The following COL22A1 variants were observed in gnomAD, a reference collection of about 807,000 sequenced individuals.
COL22A1 encodes collagen type XXII alpha 1 chain, also known as collagen alpha-1(XXII) chain.
COL22A1 carries 221 observed loss-of-function variants against 248.9 expected under a neutral mutation model. The ratio of observed to expected loss-of-function variants is 0.89; its 90% confidence interval spans 0.80 to 0.99. COL22A1 has a LOEUF of 0.99. Among genes scored for constraint, COL22A1 ranks in the 50% least tolerant of loss-of-function variants. The pLI is 0.00. For missense variants in COL22A1, 2,240 were observed against 2,179.0 expected (o/e 1.03, Z -0.56); for synonymous variants, 891 against 793.4 (o/e 1.12, Z -2.07).
intron 3 of COL22A1, among the ~76,000 whole-genome samples, chr8:138,853,656 G>A (rs2131914761): frequency 6.6e-6 from 1 of 152,226 alleles, no homozygotes; most frequent in African/African-American, 2.4e-5. Context: ...CAACAGTGTT[G>A]AAAAATACCT....
intron 47 of COL22A1, among the ~76,000 whole-genome samples, chr8:138,646,099 C>T (rs536086293): frequency 2.0e-5 from 3 of 152,248 alleles, no homozygotes; most frequent in African/African-American, 4.8e-5. Flanking sequence ...TCAGATTATA[C>T]CCCCCTTTCT....
intron 21 of COL22A1, among the ~76,000 whole-genome samples, chr8:138,752,551 A>C (rs914360933): frequency 2.0e-5 from 3 of 152,194 alleles, no homozygotes; most frequent in Admixed American, 6.5e-5. Flanking sequence ...CAGAAAGAGA[A>C]GGCCCTAAAG....
chr8:138,705,156 T>C (rs1038176352), intron 30 of COL22A1, among the ~76,000 whole-genome samples: 5 of 152,174 alleles, frequency 3.3e-5, no homozygotes, highest in East Asian at 1.9e-4. Context: ...CTACACCTGA[T>C]TGGTGTACCT....
rs529333086 is a variant in COL22A1, at chr8:138,596,909, A to T, written c.4427T>A (p.Leu1476His). 291 of 1,613,862 alleles carry T rather than the reference A, an allele frequency of 1.8e-4. 3 individuals are homozygous for T. In the South Asian group the frequency reaches 3.2e-3, roughly 18 times the overall value. Reference protein sequence around the residue: ...RLIQEELGKQLETRLAYLLAQ... With the variant: ...RLIQEELGKQHETRLAYLLAQ... The stretch of plus-strand genomic sequence containing the variant: ...AACACAGTCCAGATACTCACTTTCA[A>T]GCTGCTTCCCCAGCTCTTCTTGAAT... The change falls in exon 62 of 65, where the codon CTT becomes CAT. Residue 1476 changes from leucine (L) to histidine (H), a missense_variant. Transcript: ENST00000303045.
intron 5 of COL22A1, among the ~76,000 whole-genome samples, chr8:138,831,786 G>A (rs571825487): frequency 6.9e-5 from 7 of 101,274 alleles, no homozygotes; most frequent in Non-Finnish European, 1.3e-4. Flanking sequence ...AAGAACACTG[G>A]AGGAATTAAA....
At chr8:138,881,515 C>T (rs918899431) in intron 2 of COL22A1, among the ~76,000 whole-genome samples, 11 of 151,778 alleles carry the variant, frequency 7.2e-5, no homozygotes, top group African/African-American at 2.4e-4. Flanking sequence ...GAAACCCCGT[C>T]TCTACTAAAA....
intron 11 of COL22A1, among the ~76,000 whole-genome samples, chr8:138,797,177 C>G (rs191050181): frequency 3.3e-5 from 5 of 152,252 alleles, no homozygotes; most frequent in Admixed American, 6.5e-5. Flanking sequence ...TAAAGTTGTG[C>G]AACAAAATCC....
At chr8:138,708,809 C>A (rs937258867) in intron 30 of COL22A1, among the ~76,000 whole-genome samples, 18 of 152,162 alleles carry the variant, frequency 1.2e-4, no homozygotes, top group African/African-American at 4.3e-4. Context: ...AACTAAAGAG[C>A]TTCTGCACAG....
At chr8:138,808,090 C>T (rs888260494) in intron 9 of COL22A1, among the ~76,000 whole-genome samples, 1 of 152,308 alleles carries the variant, frequency 6.6e-6, no homozygotes, top group Middle Eastern at 3.4e-3. Context: ...ACAAATACCA[C>T]ATTTCTGCTT....
At chr8:138,726,488 C>G (rs1045250672) in intron 23 of COL22A1, among the ~76,000 whole-genome samples, 1 of 91,238 alleles carries the variant, frequency 1.1e-5, no homozygotes, top group African/African-American at 4.8e-5. Context: ...AGAGCAATAT[C>G]CTGTATCTAC....
At chr8:138,661,740 GTAAGACA>G (rs111235384) in intron 43 of COL22A1, among the ~76,000 whole-genome samples, 16,078 of 152,102 alleles carry the variant, frequency 0.11, 1,195 homozygotes, top group African/African-American at 0.21. Context: ...ACTAGGGTAT[GTAAGACA>G]TTGACCAAGA....
chr8:138,615,632 G>A (rs60893014), intron 55 of COL22A1, among the ~76,000 whole-genome samples: 108 of 152,110 alleles, frequency 7.1e-4, no homozygotes, highest in African/African-American at 2.5e-3. Flanking sequence ...CACAGCACAC[G>A]GTGGTGGCGG....
intron 3 of COL22A1, among the ~76,000 whole-genome samples, chr8:138,869,458 G>A (rs11994766): frequency 0.19 from 29,159 of 152,050 alleles, 3,763 homozygotes; most frequent in African/African-American, 0.36. Context: ...GCACAAGCTC[G>A]TTGCTTCTAA....
intron 23 of COL22A1, among the ~76,000 whole-genome samples, chr8:138,732,805 A>G (rs1293654973): frequency 2.0e-5 from 3 of 152,246 alleles, no homozygotes; most frequent in Admixed American, 2.0e-4. Context: ...TATGATTAGT[A>G]GTTACAATGA....
At chr8:138,688,253 G>A (rs532644576) in intron 37 of COL22A1, among the ~76,000 whole-genome samples, 1 of 151,724 alleles carries the variant, frequency 6.6e-6, no homozygotes, top group Admixed American at 6.6e-5. Flanking sequence ...GGGTTCAGTG[G>A]CTCACACCTG....
At chr8:138,593,446 C>CCT (rs1006886661) in intron 63 of COL22A1, among the ~76,000 whole-genome samples, 3 of 151,888 alleles carry the variant, frequency 2.0e-5, no homozygotes, top group South Asian at 2.1e-4. Context: ...TTTAATCCTT[C>CCT]CTCTCTCTCT....
intron 30 of COL22A1, among the ~76,000 whole-genome samples, chr8:138,706,803 G>A (rs990729511): frequency 6.6e-6 from 1 of 152,144 alleles, no homozygotes; most frequent in African/African-American, 2.4e-5. Context: ...AGAACTGAAG[G>A]AGATAGAGAC....
chr8:138,760,394 T>C, intron 17 of COL22A1, 107 bp from the exon 18 acceptor site: 1 of 1,049,922 alleles, frequency 9.5e-7, no homozygotes. Context: ...GGCTAGACTT[T>C]TCTTCAGAAG....
intron 54 of COL22A1, among the ~76,000 whole-genome samples, chr8:138,616,646 A>C (rs4076991): frequency 1.3e-5 from 2 of 152,102 alleles, no homozygotes; most frequent in African/African-American, 4.8e-5. Flanking sequence ...CAGGGCTGAC[A>C]TGCGTGACAC....
Sources: allele counts gnomAD v4.1 joint callset (sites outside exome capture counted in the v4.1 genomes callset), GRCh38; gene constraint gnomAD v4.1.1; transcripts MANE v1.5; gene names NCBI Gene and HGNC (gene_info 2026-07-23, HGNC 2026-07-21).